Variants in ABCC1 observed in about 807,000 individuals in gnomAD.
ABCC1 encodes ATP binding cassette subfamily C member 1 (ABCC1 blood group), also known as multidrug resistance-associated protein 1.
ABCC1 carries 83 observed loss-of-function variants against 172.9 expected under a neutral mutation model. The ratio of observed to expected loss-of-function variants is 0.48; its 90% CI spans 0.40 to 0.58. The LOEUF (loss-of-function observed/expected upper bound fraction) is 0.58. Among genes scored for constraint, ABCC1 ranks in the 20% least tolerant of loss-of-function variants. The pLI, the probability that ABCC1 is intolerant of heterozygous loss-of-function variation, is 0.00. For missense variants in ABCC1, 1,817 were observed against 2,002.7 expected, an observed-to-expected ratio of 0.91 and a Z score of 1.77; for synonymous variants, 937 against 825.2, an observed-to-expected ratio of 1.14 and a Z score of -2.32.
rs533416744 is a variant in ABCC1 at position 15,959,901 on chromosome 16, T to C, written c.48+10102T>C. Among the ~76,000 whole-genome samples the C allele has an allele frequency of 1.1e-4, 17 of 152,194 alleles. 1 individual carries two copies. The Middle Eastern group carries it at 0.014, about 122-fold the overall frequency. The stretch of plus-strand genomic sequence containing the variant: ...GTGAGTTTTCTCTCTGAGAAACCTG[T>C]CTAGGGAGGGAGGCTCTAGGCTAGC... On this transcript the variant is annotated intron_variant, in intron 1 of 30. Transcript: ENST00000399410.
At chr16:15,982,657 A>AT (rs1427702285) in intron 1 of ABCC1, among the ~76,000 whole-genome samples, 1 of 151,378 alleles carries the variant, frequency 6.6e-6, no homozygotes, top group African/African-American at 2.4e-5. Flanking sequence ...AAAAAAAAAA[A>AT]AAAGCCAGGT....
intron 12 of ABCC1, among the ~76,000 whole-genome samples, chr16:16,062,478 C>T (rs1209777535): frequency 6.6e-6 from 1 of 152,142 alleles, no homozygotes; most frequent in Non-Finnish European, 1.5e-5. Flanking sequence ...TCTGGAGTAG[C>T]TGGGATTACA....
At position 16,141,350 on chromosome 16, in the gene ABCC1, C is replaced by T; in HGVS notation, c.*69C>T. 4 of 1,435,904 alleles carry T rather than the reference C, an allele frequency of 2.8e-6. No homozygotes were observed. Among genetic ancestry groups the T allele is most frequent in the Non-Finnish European group, 3.9e-6 (4 of 1,030,624 alleles). 88.9% of individuals were successfully genotyped at this position (1,435,904 alleles called of 1,614,324 possible). On this transcript the variant is annotated 3_prime_UTR_variant, in exon 31 of 31. Transcript: ENST00000399410. Reference sequence around the variant, plus strand: ...GCCAGCGCCCAGGGAGGAGTCAGTACCCCTGGTAAACCAAGCCTCCCACAC... The same window carrying T: ...GCCAGCGCCCAGGGAGGAGTCAGTATCCCTGGTAAACCAAGCCTCCCACAC...
intron 7 of ABCC1, among the ~76,000 whole-genome samples, chr16:16,043,677 C>G (rs1453159400): frequency 6.6e-6 from 1 of 152,060 alleles, no homozygotes; most frequent in Admixed American, 6.5e-5. Flanking sequence ...TCTCCACTCA[C>G]AGCAACCTCC....
In ABCC1 at chr16:16,136,631, G is replaced by T. The variant is rs1311484594; in HGVS notation, c.4279G>T (p.Gly1427Trp). 1 of 1,614,056 alleles carries T rather than the reference G, an allele frequency of 6.2e-7. No individual in the cohort carries two copies. The highest frequency in any genetic ancestry group is 1.1e-5 in the South Asian group (1 of 91,060). ...DKLDHECAEG[G>W]ENLSVGQRQL... ...GCTAGACCATGAATGTGCAGAAGGC[G>T]GGGAGAACCTCAGGTAGGCGGGGGT... Residue 1427 changes from glycine (G) to tryptophan (W), a missense_variant, in exon 29 of 31, where the codon GGG (glycine) becomes TGG (tryptophan). Coordinates refer to ENST00000399410, the MANE Select transcript of ABCC1 (RefSeq NM_004996.4).
chr16:16,064,280 C>T (rs2050030147), intron 12 of ABCC1, among the ~76,000 whole-genome samples: 2 of 152,206 alleles, frequency 1.3e-5, no homozygotes, highest in South Asian at 4.1e-4. Context: ...CAGTCTCCTG[C>T]TGCCTGGAGC....
At chr16:16,048,008 G>C in intron 9 of ABCC1, 134 bp from the exon 10 acceptor site, 5 of 1,152,564 alleles carry the variant, frequency 4.3e-6, no homozygotes, top group Non-Finnish European at 6.3e-6. Flanking sequence ...CAGACAGATA[G>C]GTCGGGAGGG....
chr16:16,004,105 C>T (rs1262329502), intron 1 of ABCC1, among the ~76,000 whole-genome samples: 1 of 151,900 alleles, frequency 6.6e-6, no homozygotes, highest in African/African-American at 2.4e-5. Flanking sequence ...ATAGATAATT[C>T]TCTGGCTATG....
chr16:16,129,278 G>A (rs1286446520), intron 26 of ABCC1, among the ~76,000 whole-genome samples: 1 of 152,116 alleles, frequency 6.6e-6, no homozygotes, highest in Non-Finnish European at 1.5e-5. Flanking sequence ...GCTGCTGTGA[G>A]GCTCAGATGA....
At chr16:16,048,616 C>T (rs923879031) in intron 10 of ABCC1, among the ~76,000 whole-genome samples, 1 of 152,192 alleles carries the variant, frequency 6.6e-6, no homozygotes, top group Non-Finnish European at 1.5e-5. Flanking sequence ...AAACGCTAAC[C>T]AGACTCACTT....
In ABCC1 at chr16:15,996,006, A is replaced by G. The variant is rs144935395; in HGVS notation, c.49-11810A>G. ...TTTTTTTTTTTTTTTTTTTTTTGAG[A>G]TGCAGTCTCACTCTTTTGTCCAGGC... On this transcript the variant is annotated intron_variant, in intron 1 of 30. Coordinates refer to ENST00000399410, the MANE Select transcript of ABCC1 (RefSeq NM_004996.4). Among the ~76,000 whole-genome samples, 738 of 105,412 alleles carry G rather than the reference A, an allele frequency of 7.0e-3. 10 individuals are homozygous for G. The highest frequency in any genetic ancestry group is 0.028 in the African/African-American group (720 of 25,944). The allele number at this position is 105,412 out of a possible 152,430, so 69.2% of individuals were successfully genotyped here.
intron 26 of ABCC1, among the ~76,000 whole-genome samples, chr16:16,126,259 T>A (rs1237756371): frequency 6.6e-6 from 1 of 152,172 alleles, no homozygotes; most frequent in East Asian, 1.9e-4. Context: ...GGCTAGCAGG[T>A]CTTTAACACC....
At chr16:16,071,286 C>T (rs1016430848) in intron 13 of ABCC1, among the ~76,000 whole-genome samples, 11 of 145,740 alleles carry the variant, frequency 7.5e-5, no homozygotes, top group Admixed American at 4.1e-4. Flanking sequence ...TTAGCTGAGG[C>T]GGGGTTTCAC....
chr16:16,039,261 G>GTGTGTTTTCT (rs2048881009), intron 7 of ABCC1, among the ~76,000 whole-genome samples: 1 of 98,600 alleles, frequency 1.0e-5, no homozygotes, highest in African/African-American at 5.6e-5. Context: ...GTGTGTGTGT[G>GTGTGTTTTCT]TTTTCTTTTT....
At chr16:16,086,400 C>T (rs1416503665) in intron 17 of ABCC1, among the ~76,000 whole-genome samples, 1 of 152,194 alleles carries the variant, frequency 6.6e-6, no homozygotes, top group Non-Finnish European at 1.5e-5. Flanking sequence ...GTGGGTGCAG[C>T]TCTGCAGGGC....
At chr16:16,003,111 G>A (rs536368413) in intron 1 of ABCC1, among the ~76,000 whole-genome samples, 1 of 152,346 alleles carries the variant, frequency 6.6e-6, no homozygotes, top group South Asian at 2.1e-4. Context: ...TACATAGACA[G>A]GTGGATGGAT....
At chr16:16,003,644 A>G (rs1872612187) in intron 1 of ABCC1, among the ~76,000 whole-genome samples, 1 of 143,688 alleles carries the variant, frequency 7.0e-6, no homozygotes, top group Non-Finnish European at 1.5e-5. Flanking sequence ...GGGTGGGTGG[A>G]TGGATGGATG....
upstream of ABCC1, chr16:15,949,596 C>A: frequency 6.6e-6 from 2 of 305,342 alleles, no homozygotes; most frequent in South Asian, 2.3e-4. Context: ...GTTGCGGCCC[C>A]GGCCCCGGCT....
intron 20 of ABCC1, 133 bp downstream of exon 20, chr16:16,102,850 T>G: frequency 1.3e-6 from 1 of 798,122 alleles, no homozygotes. Flanking sequence ...TCCCAAATCC[T>G]CCAAGGACCT....
Sources: allele counts gnomAD v4.1 joint callset (sites outside exome capture counted in the v4.1 genomes callset), GRCh38; gene constraint gnomAD v4.1.1; transcripts MANE v1.5; gene names NCBI Gene and HGNC (gene_info 2026-07-23, HGNC 2026-07-21).